The following NXPH1 variants were observed in gnomAD, a reference collection of about 807,000 sequenced individuals.
NXPH1 encodes the protein neurexophilin 1, also known as neurexophilin-1.
NXPH1 carries 5 observed loss-of-function variants against 23.7 expected under a neutral mutation model. The ratio of observed to expected loss-of-function variants is 0.21; its 90% CI spans 0.11 to 0.44. The LOEUF (loss-of-function observed/expected upper bound fraction) is 0.44. Among genes scored for constraint, NXPH1 ranks in the 20% least tolerant of loss-of-function variants. The pLI, the probability that NXPH1 is intolerant of heterozygous loss-of-function variation, is 0.99. For missense variants in NXPH1, 324 were observed against 321.6 expected, an observed-to-expected ratio of 1.01 and a Z score of -0.06; for synonymous variants, 144 against 122.2, an observed-to-expected ratio of 1.18 and a Z score of -1.18.
At chr7:8,517,260 T>A (rs1205876529) in intron 2 of NXPH1, among the ~76,000 whole-genome samples, 3 of 151,542 alleles carry the variant, frequency 2.0e-5, no homozygotes, top group Admixed American at 2.0e-4. Flanking sequence ...CTCACCCAGA[T>A]TTGGAGGCTC....
At chr7:8,600,897 G>A (rs28600327) in intron 2 of NXPH1, among the ~76,000 whole-genome samples, 11,234 of 151,514 alleles carry the variant, frequency 0.074, 911 homozygotes, top group East Asian at 0.19. Flanking sequence ...ATTAAAAAAA[G>A]TTATGTCTGT....
chr7:8,561,159 C>G (rs1447466988), intron 2 of NXPH1, among the ~76,000 whole-genome samples: 2 of 151,652 alleles, frequency 1.3e-5, no homozygotes, highest in Admixed American at 6.6e-5. Flanking sequence ...GGCTCTGATA[C>G]TTGTAACTCA....
At chr7:8,681,597 G>A (rs1821049401) in intron 2 of NXPH1, among the ~76,000 whole-genome samples, 1 of 152,152 alleles carries the variant, frequency 6.6e-6, no homozygotes, top group East Asian at 1.9e-4. Context: ...GTGTGTGCAT[G>A]TAAAGGGCAA....
At chr7:8,524,251 A>AAG (rs1376946599) in intron 2 of NXPH1, among the ~76,000 whole-genome samples, 4 of 151,438 alleles carry the variant, frequency 2.6e-5, no homozygotes, top group African/African-American at 9.7e-5. Context: ...CAAAAAAAAA[A>AAG]AAAAAAAAAA....
intron 2 of NXPH1, among the ~76,000 whole-genome samples, chr7:8,563,886 T>C (rs1260291242): frequency 1.3e-5 from 2 of 151,718 alleles, no homozygotes; most frequent in Non-Finnish European, 3.0e-5. Context: ...GATGGGCCAT[T>C]GAGATTAAAA....
intron 2 of NXPH1, among the ~76,000 whole-genome samples, chr7:8,448,356 C>T (rs1816442327): frequency 6.6e-6 from 1 of 152,226 alleles, no homozygotes; most frequent in South Asian, 2.1e-4. Flanking sequence ...CCATGTGCTT[C>T]CAGCACAGTC....
At chr7:8,717,611 C>G (rs897944330) in intron 2 of NXPH1, among the ~76,000 whole-genome samples, 3 of 152,132 alleles carry the variant, frequency 2.0e-5, no homozygotes, top group Non-Finnish European at 4.4e-5. Context: ...AATAAAGGTG[C>G]CTTCACTTTC....
At chr7:8,566,992 A>C (rs1433080738) in intron 2 of NXPH1, among the ~76,000 whole-genome samples, 2 of 151,850 alleles carry the variant, frequency 1.3e-5, no homozygotes, top group African/African-American at 2.4e-5. Context: ...TGTGGCCTAA[A>C]ATTTTAGTGA....
intron 2 of NXPH1, among the ~76,000 whole-genome samples, chr7:8,539,204 C>T (rs2128618225): frequency 6.6e-6 from 1 of 151,826 alleles, no homozygotes; most frequent in South Asian, 2.1e-4. Flanking sequence ...CCACTATCAG[C>T]TAAATTCTCA....
intron 2 of NXPH1, among the ~76,000 whole-genome samples, chr7:8,468,235 AG>A (rs1174745664): frequency 1.3e-5 from 2 of 152,110 alleles, no homozygotes; most frequent in East Asian, 1.9e-4. Context: ...TTAAAAATAA[AG>A]TCAGACAAAT....
chr7:8,650,755 C>A (rs1820477623), intron 2 of NXPH1, among the ~76,000 whole-genome samples: 1 of 152,022 alleles, frequency 6.6e-6, no homozygotes, highest in Non-Finnish European at 1.5e-5. Flanking sequence ...ATATCAATGA[C>A]TGGAAAAAGT....
intron 2 of NXPH1, among the ~76,000 whole-genome samples, chr7:8,617,762 C>A (rs144267505): frequency 3.2e-3 from 486 of 152,094 alleles, no homozygotes; most frequent in African/African-American, 0.011. Flanking sequence ...TCAATAATAA[C>A]GTAATTGTAC....
intron 2 of NXPH1, among the ~76,000 whole-genome samples, chr7:8,647,215 C>G (rs1319541462): frequency 6.6e-6 from 1 of 152,234 alleles, no homozygotes; most frequent in Non-Finnish European, 1.5e-5. Context: ...TCCCTCAACC[C>G]TGACCCTCAG....
At chr7:8,448,748 G>T (rs1816450700) in intron 2 of NXPH1, among the ~76,000 whole-genome samples, 1 of 151,692 alleles carries the variant, frequency 6.6e-6, no homozygotes, top group South Asian at 2.1e-4. Context: ...CTGGGAGGGG[G>T]AGGTTGCCAT....
At chr7:8,484,559 G>A (rs892247504) in intron 2 of NXPH1, among the ~76,000 whole-genome samples, 1 of 152,116 alleles carries the variant, frequency 6.6e-6, no homozygotes, top group Non-Finnish European at 1.5e-5. Context: ...GATTAGCCCT[G>A]TAAGTTTTAA....
intron 2 of NXPH1, among the ~76,000 whole-genome samples, chr7:8,534,053 A>G (rs948859521): frequency 1.3e-5 from 2 of 152,150 alleles, no homozygotes; most frequent in Admixed American, 6.6e-5. Context: ...AAAACTTATT[A>G]GTTTAATGAA....
chr7:8,557,319 C>T (rs1818374004), intron 2 of NXPH1, among the ~76,000 whole-genome samples: 1 of 151,622 alleles, frequency 6.6e-6, no homozygotes, highest in Admixed American at 6.6e-5. Flanking sequence ...TGATTAGACC[C>T]CTCTTCCTAA....
At chr7:8,476,723 G>A (rs935787060) in intron 2 of NXPH1, among the ~76,000 whole-genome samples, 5 of 151,898 alleles carry the variant, frequency 3.3e-5, no homozygotes, top group African/African-American at 1.2e-4. Flanking sequence ...AATAAAAACT[G>A]TAATGTGTTA....
rs1293614991 is a variant in NXPH1, at chr7:8,435,838, G to A, written c.54+71G>A. 4 of 1,416,168 alleles carry A rather than the reference G, an allele frequency of 2.8e-6. No homozygotes were observed. Among genetic ancestry groups the A allele is most frequent in the African/African-American group, 1.4e-5 (1 of 70,730 alleles). 87.7% of individuals were successfully genotyped at this position (1,416,168 alleles called of 1,614,324 possible). On this transcript the variant is annotated intron_variant, in intron 2 of 2. Transcript: ENST00000405863. This position sits in a 1 kb window ranked among gnomAD's most constrained non-coding sequence, Gnocchi z 5.9. The stretch of plus-strand genomic sequence containing the variant: ...GGAGGCAAGGAAACTGGGGACACGC[G>A]GGAGAAGGGTTACGCCGCCAGTTCA...
Sources: gnomAD v4.1 joint callset for allele counts (sites outside exome capture counted in the v4.1 genomes callset) on GRCh38, gnomAD v4.1.1 for gene constraint, Gnocchi (gnomAD v3.1) non-coding constraint, MANE v1.5 for transcripts, NCBI Gene and HGNC (gene_info 2026-07-23, HGNC 2026-07-21) for gene names.